The following CNBD1 variants were observed in gnomAD, a reference collection of about 807,000 sequenced individuals.
CNBD1 encodes cyclic nucleotide binding domain containing 1, also known as cyclic nucleotide-binding domain-containing protein 1.
In CNBD1, 71 loss-of-function variants were observed where a neutral mutation model predicts 54.4. The observed-to-expected ratio is 1.30, with a 90% CI of 1.08 to 1.59. The LOEUF (loss-of-function observed/expected upper bound fraction) is 1.59. CNBD1 is among the 40% of genes most tolerant of loss of function. The pLI is 0.00. For missense variants in CNBD1, 659 were observed against 518.0 expected (o/e 1.27, Z -2.64); for synonymous variants, 182 against 170.7 (o/e 1.07, Z -0.51).
At chr8:86,892,391 C>A (rs1808782537) in intron 2 of CNBD1, among the ~76,000 whole-genome samples, 1 of 152,016 alleles carries the variant, frequency 6.6e-6, no homozygotes, top group African/African-American at 2.4e-5. Flanking sequence ...TCCAAAGACA[C>A]AATATGATAG....
chr8:87,322,343 G>T (rs891046074), intron 8 of CNBD1, among the ~76,000 whole-genome samples: 1 of 119,464 alleles, frequency 8.4e-6, no homozygotes. Flanking sequence ...TGGGTCAAAT[G>T]GTATTTCTAG....
At chr8:87,317,024 T>C (rs1809400872) in intron 8 of CNBD1, among the ~76,000 whole-genome samples, 2 of 151,828 alleles carry the variant, frequency 1.3e-5, no homozygotes, top group Non-Finnish European at 2.9e-5. Context: ...CTAGGTCTCA[T>C]TTTTCTTCTT....
At chr8:86,956,931 G>A (rs1009680486) in intron 4 of CNBD1, among the ~76,000 whole-genome samples, 4 of 152,140 alleles carry the variant, frequency 2.6e-5, no homozygotes, top group Non-Finnish European at 5.9e-5. Flanking sequence ...AATGCTTCCA[G>A]TTTTTGCCCA....
At chr8:87,012,187 A>T (rs1186512166) in intron 4 of CNBD1, among the ~76,000 whole-genome samples, 4 of 152,158 alleles carry the variant, frequency 2.6e-5, no homozygotes, top group African/African-American at 9.7e-5. Flanking sequence ...TGTCCATTTG[A>T]TAGTAGAGGT....
At chr8:87,045,106 G>T (rs895765028) in intron 4 of CNBD1, among the ~76,000 whole-genome samples, 1 of 152,130 alleles carries the variant, frequency 6.6e-6, no homozygotes, top group African/African-American at 2.4e-5. Flanking sequence ...ACCAGCTAGG[G>T]TTTCTTCTGG....
chr8:87,101,165 G>C (rs973589497), intron 4 of CNBD1, among the ~76,000 whole-genome samples: 3 of 152,164 alleles, frequency 2.0e-5, no homozygotes, highest in African/African-American at 7.2e-5. Flanking sequence ...GTGTAAAGTA[G>C]CTGGGAAAAG....
intron 6 of CNBD1, among the ~76,000 whole-genome samples, chr8:87,257,089 G>T (rs1469325823): frequency 6.6e-6 from 1 of 152,064 alleles, no homozygotes; most frequent in Non-Finnish European, 1.5e-5. Context: ...TGACAATTGG[G>T]CTGGGCATGG....
intron 4 of CNBD1, among the ~76,000 whole-genome samples, chr8:87,014,395 T>C (rs1809309671): frequency 6.6e-6 from 1 of 152,040 alleles, no homozygotes; most frequent in Non-Finnish European, 1.5e-5. Context: ...GATCTTTGCT[T>C]GTATATGCTT....
intron 4 of CNBD1, among the ~76,000 whole-genome samples, chr8:87,149,964 A>G (rs1014402590): frequency 1.3e-5 from 2 of 152,102 alleles, no homozygotes; most frequent in Non-Finnish European, 2.9e-5. Context: ...TCATGAGGTC[A>G]GGAGATCGAG....
chr8:87,424,488 C>T (rs891055432), intron 2 of CNBD1, among the ~76,000 whole-genome samples: 3 of 152,128 alleles, frequency 2.0e-5, no homozygotes, highest in Non-Finnish European at 2.9e-5. Flanking sequence ...TTTGTTCTCA[C>T]TGGTTTCAAA....
chr8:87,116,012 C>G (rs1396008422), intron 4 of CNBD1, among the ~76,000 whole-genome samples: 1 of 152,086 alleles, frequency 6.6e-6, no homozygotes, highest in Non-Finnish European at 1.5e-5. Flanking sequence ...ACTATCTCTT[C>G]CCTTGGAACA....
intron 6 of CNBD1, among the ~76,000 whole-genome samples, chr8:87,254,388 A>G (rs1807970442): frequency 6.6e-6 from 1 of 152,216 alleles, no homozygotes; most frequent in South Asian, 2.1e-4. Context: ...ATTTCTGTTT[A>G]ATAGTCAATA....
intron 6 of CNBD1, among the ~76,000 whole-genome samples, chr8:87,239,586 T>C (rs1284884360): frequency 6.6e-6 from 1 of 152,154 alleles, no homozygotes; most frequent in Non-Finnish European, 1.5e-5. Context: ...GTTATAACAT[T>C]TTCACTCTTC....
intron 6 of CNBD1, among the ~76,000 whole-genome samples, chr8:87,262,346 T>G (rs1808160662): frequency 6.6e-6 from 1 of 152,186 alleles, no homozygotes; most frequent in South Asian, 2.1e-4. Context: ...GATGTGATGT[T>G]TAATTTTATG....
At chr8:87,043,480 A>G (rs1810117437) in intron 4 of CNBD1, among the ~76,000 whole-genome samples, 1 of 152,188 alleles carries the variant, frequency 6.6e-6, no homozygotes, top group South Asian at 2.1e-4. Flanking sequence ...ATGTTCCACT[A>G]ATGTTTCTGA....
intron 4 of CNBD1, among the ~76,000 whole-genome samples, chr8:86,957,349 G>A (rs963026584): frequency 1.3e-5 from 2 of 152,202 alleles, no homozygotes; most frequent in African/African-American, 4.8e-5. Context: ...CTCATAAAAT[G>A]AGTTAGGGAG....
intron 4 of CNBD1, among the ~76,000 whole-genome samples, chr8:87,058,072 A>C (rs1442809385): frequency 6.6e-6 from 1 of 152,142 alleles, no homozygotes; most frequent in East Asian, 1.9e-4. Flanking sequence ...CCCATTCCAA[A>C]TGAGAGAAAT....
intron 2 of CNBD1, among the ~76,000 whole-genome samples, chr8:86,900,585 C>A (rs1172705775): frequency 6.6e-6 from 1 of 152,020 alleles, no homozygotes; most frequent in African/African-American, 2.4e-5. Flanking sequence ...TTTTACTTGC[C>A]TAATAGACTA....
In CNBD1 at chr8:86,905,194, G is replaced by T; in HGVS notation, c.272G>T (p.Arg91Met). The change falls in exon 3 of 11, where the codon AGG (arginine) becomes ATG (methionine). Residue 91 changes from arginine to methionine, a missense_variant and splice_region_variant. Physicochemically the swap from Arg to Met is moderately conservative, Grantham distance 91. Coordinates refer to ENST00000518476, the MANE Select transcript of CNBD1 (RefSeq NM_173538.3). The part of the protein sequence containing the change: ...LPKLFKQEEQ[R>M]ELNEGKEESQ... Reference sequence around the variant, plus strand: ...AAACTTTTCAAACAGGAGGAACAAAGGTAATGATACCTTCTTTTGAAAGCA... The same window carrying T: ...AAACTTTTCAAACAGGAGGAACAAATGTAATGATACCTTCTTTTGAAAGCA... 1 of 1,555,910 alleles carries T rather than the reference G, an allele frequency of 6.4e-7. No individual in the cohort carries two copies. Among genetic ancestry groups the T allele is most frequent in the Non-Finnish European group, 8.9e-7 (1 of 1,128,616 alleles).
Sources: allele counts gnomAD v4.1 joint callset (sites outside exome capture counted in the v4.1 genomes callset), GRCh38; gene constraint gnomAD v4.1.1; transcripts MANE v1.5; gene names NCBI Gene and HGNC (gene_info 2026-07-23, HGNC 2026-07-21).